The following NBEA variants were observed in gnomAD, a reference collection of about 807,000 sequenced individuals.
NBEA encodes neurobeachin.
NBEA carries 44 observed loss-of-function variants against 343.4 expected under a neutral mutation model. That is an observed-to-expected ratio of 0.13 (90% CI 0.10 to 0.16). The LOEUF (loss-of-function observed/expected upper bound fraction) is 0.16. NBEA is among the 10% of genes least tolerant of loss of function. The pLI is 1.00. For synonymous variants in NBEA, 1,175 were observed against 1,238.7 expected, an observed-to-expected ratio of 0.95 and a Z score of 1.08; for missense variants, 2,555 against 3,631.3, an observed-to-expected ratio of 0.70 and a Z score of 7.62.
At chr13:35,056,898 A>G (rs2063286761) in intron 7 of NBEA, among the ~76,000 whole-genome samples, 1 of 152,152 alleles carries the variant, frequency 6.6e-6, no homozygotes, top group Admixed American at 6.6e-5. Context: ...TTGAAGGGAA[A>G]TTACAGAAGC....
chr13:35,451,044 C>T (rs2046283869), intron 39 of NBEA, among the ~76,000 whole-genome samples: 1 of 152,158 alleles, frequency 6.6e-6, no homozygotes, highest in Non-Finnish European at 1.5e-5. Context: ...CGCATTAATG[C>T]CAGGTCAAAT....
At chr13:34,991,431 A>G (rs1242451015) in intron 1 of NBEA, among the ~76,000 whole-genome samples, 2 of 152,212 alleles carry the variant, frequency 1.3e-5, no homozygotes, top group African/African-American at 2.4e-5. Flanking sequence ...ACATCTTCAC[A>G]TGGCAGAGCA....
Position 35,455,991 on chromosome 13 carries a change from A to T in NBEA, c.6448+3756A>T, listed in dbSNP as rs560287741. Among the ~76,000 whole-genome samples, 3 of 152,132 alleles carry T rather than the reference A, an allele frequency of 2.0e-5. No homozygotes were observed. The South Asian group carries it at 6.2e-4, about 32-fold the overall frequency. On this transcript the variant is annotated intron_variant, in intron 40 of 58. Transcript: ENST00000379939. ...AATGACATCTTCTGTTTATAACTCA[A>T]TTTTTACACTGGTTCCATTACATTA...
chr13:35,479,356 T>A (rs9574003), intron 41 of NBEA, among the ~76,000 whole-genome samples: 7,498 of 152,244 alleles, frequency 0.049, 439 homozygotes, highest in East Asian at 0.2. Flanking sequence ...ACAGTGATTT[T>A]CTATTACACT....
intron 10 of NBEA, among the ~76,000 whole-genome samples, chr13:35,081,573 T>C (rs1593278854): frequency 6.6e-6 from 1 of 152,048 alleles, no homozygotes; most frequent in Non-Finnish European, 1.5e-5. Flanking sequence ...CAGGCAAATA[T>C]GGCAGGAATG....
intron 1 of NBEA, among the ~76,000 whole-genome samples, chr13:34,995,142 A>AGCATTAAG (rs1189328196): frequency 6.6e-6 from 1 of 152,172 alleles, no homozygotes; most frequent in Non-Finnish European, 1.5e-5. Flanking sequence ...AAACCAAGTA[A>AGCATTAAG]GCATTAAGGA....
chr13:35,647,564 A>T (rs1977318), intron 51 of NBEA, among the ~76,000 whole-genome samples: 122,736 of 151,848 alleles, frequency 0.81, 49,938 homozygotes, highest in East Asian at 0.89. Context: ...AAACACATAA[A>T]TGCTTTTTGT....
At chr13:35,273,070 G>T (rs1390059246) in intron 34 of NBEA, among the ~76,000 whole-genome samples, 2 of 151,998 alleles carry the variant, frequency 1.3e-5, no homozygotes, top group Non-Finnish European at 1.5e-5. Flanking sequence ...GTACCACATT[G>T]CACTTATTCT....
intron 7 of NBEA, among the ~76,000 whole-genome samples, chr13:35,057,567 C>T (rs1021211045): frequency 1.1e-4 from 16 of 152,084 alleles, no homozygotes; most frequent in Admixed American, 4.6e-4. Flanking sequence ...GCCGTAGAAA[C>T]TTATGGTTGA....
chr13:35,433,413 G>GT (rs1195474275), intron 39 of NBEA, among the ~76,000 whole-genome samples: 1 of 151,856 alleles, frequency 6.6e-6, no homozygotes, highest in African/African-American at 2.4e-5. Flanking sequence ...TGAGCCATCT[G>GT]TTTTTAAAAT....
At chr13:35,137,283 T>G (rs1210913213) in intron 17 of NBEA, among the ~76,000 whole-genome samples, 1 of 152,126 alleles carries the variant, frequency 6.6e-6, no homozygotes, top group Non-Finnish European at 1.5e-5. Flanking sequence ...ACCCCGTCTC[T>G]ACTAAAAATA....
At chr13:35,381,009 T>C (rs2041983239) in intron 38 of NBEA, among the ~76,000 whole-genome samples, 1 of 152,190 alleles carries the variant, frequency 6.6e-6, no homozygotes. Flanking sequence ...TTTTTTAATA[T>C]GCTTTTTCTT....
chr13:35,194,037 A>G (rs371652927), intron 30 of NBEA, among the ~76,000 whole-genome samples: 1 of 151,902 alleles, frequency 6.6e-6, no homozygotes, highest in Non-Finnish European at 1.5e-5. Context: ...AAAATGGGAG[A>G]TTTTATTTCA....
chr13:34,980,727 C>A (rs1332840318), intron 1 of NBEA, among the ~76,000 whole-genome samples: 1 of 152,044 alleles, frequency 6.6e-6, no homozygotes, highest in African/African-American at 2.4e-5. Flanking sequence ...TAGTAGATTA[C>A]AATTAAGATG....
chr13:35,523,269 A>G (rs2077808456), intron 41 of NBEA, among the ~76,000 whole-genome samples: 1 of 152,210 alleles, frequency 6.6e-6, no homozygotes, highest in African/African-American at 2.4e-5. Flanking sequence ...AAAGTCTTCA[A>G]GAATTTAGGT....
intron 38 of NBEA, among the ~76,000 whole-genome samples, chr13:35,368,247 C>A (rs1421993891): frequency 6.6e-6 from 1 of 151,486 alleles, no homozygotes. Context: ...CCAGCTATTT[C>A]TAATTTACTA....
chr13:35,512,660 C>T (rs896835081), intron 41 of NBEA, among the ~76,000 whole-genome samples: 1 of 152,214 alleles, frequency 6.6e-6, no homozygotes, highest in Non-Finnish European at 1.5e-5. Context: ...GATATTTCAG[C>T]TTCAGTTCCT....
At chr13:35,514,461 C>T (rs775276086) in intron 41 of NBEA, among the ~76,000 whole-genome samples, 8 of 152,092 alleles carry the variant, frequency 5.3e-5, no homozygotes, top group Non-Finnish European at 1.2e-4. Context: ...CGCTGGGTTG[C>T]CTGGGTCCCT....
At chr13:35,156,062 G>A (rs868309649) in intron 19 of NBEA, 21 bp from the exon 20 acceptor site, 2 of 1,559,402 alleles carry the variant, frequency 1.3e-6, no homozygotes, top group African/African-American at 2.8e-5. Flanking sequence ...AAATCTACAA[G>A]TTTTTTTTCT....
Sources: allele counts gnomAD v4.1 joint callset (sites outside exome capture counted in the v4.1 genomes callset), GRCh38; gene constraint gnomAD v4.1.1; transcripts MANE v1.5; gene names NCBI Gene and HGNC (gene_info 2026-07-23, HGNC 2026-07-21).